SNX29: variants seen among roughly 807,000 people sequenced by gnomAD.
The protein encoded by SNX29 is sorting nexin 29.
Under a neutral mutation model 102.1 loss-of-function variants are expected in SNX29, and 78 were observed. The ratio of observed to expected loss-of-function variants is 0.76; its 90% CI spans 0.64 to 0.92. The LOEUF (loss-of-function observed/expected upper bound fraction) is 0.92. Ranked by LOEUF, SNX29 falls within the 40% of genes least tolerant of loss-of-function variation. The probability of loss-of-function intolerance (pLI) is 0.00; values close to 1 mark genes in which losing one functional copy is unlikely to be tolerated. For missense variants in SNX29, 1,280 were observed against 1,061.7 expected (o/e 1.21, Z -2.86); for synonymous variants, 580 against 414.5 (o/e 1.40, Z -4.85).
At chr16:12,151,262 A>G (rs570145474) in intron 13 of SNX29, among the ~76,000 whole-genome samples, 81 of 152,044 alleles carry the variant, frequency 5.3e-4, no homozygotes, top group Non-Finnish European at 1.0e-3. Flanking sequence ...TTGCTTATAT[A>G]TGAATCTCTT....
At chr16:12,397,200 T>C (rs1031846119) in intron 16 of SNX29, among the ~76,000 whole-genome samples, 2 of 152,354 alleles carry the variant, frequency 1.3e-5, no homozygotes, top group Admixed American at 6.5e-5. Context: ...GTCTCCACTG[T>C]TGATTTAAGG....
intron 18 of SNX29, among the ~76,000 whole-genome samples, chr16:12,403,740 G>T (rs145763327): frequency 1.3e-5 from 2 of 152,308 alleles, no homozygotes; most frequent in East Asian, 3.9e-4. Context: ...CTTCGTGCCA[G>T]TCAGGCTCTT....
chr16:12,391,530 C>T (rs1478686339), intron 16 of SNX29, among the ~76,000 whole-genome samples: 1 of 152,204 alleles, frequency 6.6e-6, no homozygotes, highest in Non-Finnish European at 1.5e-5. Context: ...AAGAATTTTA[C>T]AGTGAACACA....
intron 4 of SNX29, among the ~76,000 whole-genome samples, chr16:12,029,140 C>T (rs368166285): frequency 4.0e-5 from 6 of 151,462 alleles, no homozygotes; most frequent in East Asian, 3.9e-4. Context: ...GGCAGTCTCC[C>T]GGGGCTAGGG....
intron 19 of SNX29, among the ~76,000 whole-genome samples, chr16:12,481,942 C>G (rs1466853869): frequency 6.6e-6 from 1 of 152,190 alleles, no homozygotes; most frequent in Non-Finnish European, 1.5e-5. Flanking sequence ...GAGGACACAT[C>G]TTAGTGATTC....
At chr16:12,462,194 C>T (rs78660182) in intron 18 of SNX29, among the ~76,000 whole-genome samples, 2,998 of 151,474 alleles carry the variant, frequency 0.02, 102 homozygotes, top group African/African-American at 0.069. Flanking sequence ...AGTCCTGGCC[C>T]TGCAGCCTGG....
chr16:12,548,560 T>G (rs2077756859), intron 20 of SNX29, among the ~76,000 whole-genome samples: 1 of 152,170 alleles, frequency 6.6e-6, no homozygotes, highest in South Asian at 2.1e-4. Flanking sequence ...AGGGATTTTC[T>G]ATGATGCTGG....
chr16:12,524,131 C>G (rs1292535647), intron 19 of SNX29, among the ~76,000 whole-genome samples: 2 of 152,266 alleles, frequency 1.3e-5, no homozygotes. Flanking sequence ...GGTGATCCGC[C>G]CGCGTCTGCA....
At chr16:12,113,301 G>C (rs931134426) in intron 11 of SNX29, among the ~76,000 whole-genome samples, 2 of 152,294 alleles carry the variant, frequency 1.3e-5, no homozygotes, top group South Asian at 2.1e-4. Flanking sequence ...CTGAGCCTCA[G>C]AGCAGACAAG....
At chr16:12,110,852 C>T (rs1410929216) in intron 11 of SNX29, among the ~76,000 whole-genome samples, 1 of 151,138 alleles carries the variant, frequency 6.6e-6, no homozygotes, top group African/African-American at 2.4e-5. Context: ...GAGAAAGGGT[C>T]TTGCTCTGTT....
At chr16:12,563,878 C>G (rs772035074) in intron 20 of SNX29, among the ~76,000 whole-genome samples, 2 of 152,222 alleles carry the variant, frequency 1.3e-5, no homozygotes, top group Non-Finnish European at 2.9e-5. Flanking sequence ...CATCTCTAGC[C>G]CCTTGGGCCT....
At chr16:12,121,482 G>A (rs927069698) in intron 11 of SNX29, among the ~76,000 whole-genome samples, 2 of 152,234 alleles carry the variant, frequency 1.3e-5, no homozygotes, top group Non-Finnish European at 2.9e-5. Context: ...TTGGGTAGCC[G>A]CCTTGGCTGT....
At chr16:12,384,204 T>C (rs1034336077) in intron 16 of SNX29, among the ~76,000 whole-genome samples, 2 of 150,794 alleles carry the variant, frequency 1.3e-5, no homozygotes, top group African/African-American at 4.9e-5. Context: ...CTCTCTTCAA[T>C]ATACTGATTT....
chr16:12,010,606 A>T (rs1363771570), intron 3 of SNX29, among the ~76,000 whole-genome samples: 1 of 152,220 alleles, frequency 6.6e-6, no homozygotes, highest in Non-Finnish European at 1.5e-5. Flanking sequence ...AGCCTGGGCG[A>T]TGTGAGACCT....
chr16:12,568,030 G>A (rs2079085297), intron 20 of SNX29, among the ~76,000 whole-genome samples: 1 of 152,086 alleles, frequency 6.6e-6, no homozygotes. Context: ...CTTTTAACTA[G>A]CCCCTAGCCT....
intron 15 of SNX29, among the ~76,000 whole-genome samples, chr16:12,301,307 G>A (rs375060215): frequency 4.6e-5 from 7 of 152,154 alleles, no homozygotes; most frequent in Non-Finnish European, 8.8e-5. Flanking sequence ...ACGCTCTGGC[G>A]TGTGCCCACA....
chr16:12,135,487 G>A, intron 13 of SNX29: 1 of 1,309,742 alleles, frequency 7.6e-7, no homozygotes, highest in Non-Finnish European at 1.0e-6. Context: ...GGTCTGATAA[G>A]AGCCAGTTAC....
chr16:12,054,929 A>G (rs1214420225), intron 8 of SNX29, among the ~76,000 whole-genome samples: 1 of 152,202 alleles, frequency 6.6e-6, no homozygotes, highest in East Asian at 1.9e-4. Flanking sequence ...CGGATCTCAA[A>G]TGAATATTTT....
chr16:12,552,430 C>T (rs1266919242), intron 20 of SNX29, among the ~76,000 whole-genome samples: 5 of 152,198 alleles, frequency 3.3e-5, no homozygotes, highest in African/African-American at 7.2e-5. Flanking sequence ...GTTCTTTTGG[C>T]TCGAGAGCTG....
Sources: allele counts gnomAD v4.1 joint callset (sites outside exome capture counted in the v4.1 genomes callset), GRCh38; gene constraint gnomAD v4.1.1; transcripts MANE v1.5; gene names NCBI Gene and HGNC (gene_info 2026-07-23, HGNC 2026-07-21).